The following HTN1 variants were observed in gnomAD, a reference collection of about 807,000 sequenced individuals.
HTN1 encodes the protein histatin-1.
In HTN1, 18 loss-of-function variants were observed where a neutral mutation model predicts 11.2. The ratio of observed to expected loss-of-function variants is 1.61; its 90% CI spans 1.12 to 2.39. The LOEUF is 2.39. HTN1 is among the 30% of genes most tolerant of loss of function. The pLI, the probability that HTN1 is intolerant of heterozygous loss-of-function variation, is 0.00. For synonymous variants in HTN1, 21 were observed against 20.5 expected, an observed-to-expected ratio of 1.02 and a Z score of -0.07; for missense variants, 80 against 67.2, an observed-to-expected ratio of 1.19 and a Z score of -0.67.
chr4:70,057,606 T>C (rs1449146388), intron 5 of HTN1: 1 of 152,180 alleles, frequency 6.6e-6, no homozygotes, highest in Non-Finnish European at 1.5e-5. Flanking sequence ...TAGTTCCAGT[T>C]CTGACCTGGA....
At chr4:70,055,685 C>G (rs1726022040) in intron 5 of HTN1, 83 bp downstream of exon 5, 1 of 660,340 alleles carries the variant, frequency 1.5e-6, no homozygotes, top group Non-Finnish European at 2.6e-6. Flanking sequence ...ACAACCATTC[C>G]AGTTTAAGAA....
At position 70,054,358 on chromosome 4, in the gene HTN1, T is replaced by C; in HGVS notation, c.72+16T>C. 1 of 1,546,722 alleles carries C rather than the reference T, an allele frequency of 6.5e-7. No homozygotes were observed. The highest frequency in any genetic ancestry group is 8.8e-7 in the Non-Finnish European group (1 of 1,136,576). ...ACATGAAAAGGTAAGACATTTTCAT[T>C]TACGGGAAAACTTGATAAATAAACA... On this transcript the variant is annotated intron_variant, in intron 3 of 5. Transcript: ENST00000246896.
At chr4:70,057,761 T>C (rs1479356115) in intron 5 of HTN1, 1 of 152,176 alleles carries the variant, frequency 6.6e-6, no homozygotes, top group Non-Finnish European at 1.5e-5. Context: ...GTTGTGGCCA[T>C]AGGCTTCTCT....
chr4:70,052,867 C>G (rs1014507798), intron 1 of HTN1, 197 bp from the exon 2 acceptor site: 1 of 473,782 alleles, frequency 2.1e-6, no homozygotes, highest in African/African-American at 2.0e-5. Flanking sequence ...ACAAGTGGGA[C>G]TAGGGAGGCT....
At chr4:70,057,515 A>G (rs1426588042) in intron 5 of HTN1, 1 of 152,202 alleles carries the variant, frequency 6.6e-6, no homozygotes, top group African/African-American at 2.4e-5. Context: ...ATTAAAAAAT[A>G]AAATGAAATA....
chr4:70,053,765 T>C (rs1185073956), intron 2 of HTN1, among the ~76,000 whole-genome samples: 1 of 152,106 alleles, frequency 6.6e-6, no homozygotes, highest in Non-Finnish European at 1.5e-5. Flanking sequence ...CTCCTCTTTC[T>C]ATGAACTTAA....
intron 1 of HTN1, 61 bp from the exon 2 acceptor site, chr4:70,053,003 A>G (rs1422066208): frequency 1.0e-6 from 1 of 975,594 alleles, no homozygotes; most frequent in Non-Finnish European, 1.7e-6. Flanking sequence ...CATCAATAGA[A>G]GTTTGATGAA....
chr4:70,055,499 A>G lies in HTN1; in HGVS notation c.104A>G (p.Glu35Gly), dbSNP rs1446408590. 6.3e-7 allele frequency: 1 copy of G among 1,588,938 alleles called. No homozygotes were observed. The highest frequency in any genetic ancestry group is 1.7e-5 in the Admixed American group (1 of 59,798). ...CTCTCTCCTTTTGTGTGTATGCAGG[A>G]AAAGCATCATTCACATCGAGAATTT... is the stretch of plus-strand genomic sequence containing the variant. ...RHHGYRRKFH[E>G]KHHSHREFPF... is the part of the protein sequence containing the mutation. Residue 35 changes from glutamate (E) to glycine (G), a missense_variant and splice_region_variant, in exon 5 of 6, where the codon GAA (glutamate) becomes GGA (glycine). Physicochemically the swap from Glu to Gly is moderately conservative, Grantham distance 98. Transcript: ENST00000246896.
At chr4:70,055,080 G>A (rs2109729408) in intron 4 of HTN1, among the ~76,000 whole-genome samples, 1 of 152,092 alleles carries the variant, frequency 6.6e-6, no homozygotes, top group Middle Eastern at 3.4e-3. Flanking sequence ...AAAGAATGTA[G>A]GAGTTGTAAA....
chr4:70,056,509 A>C (rs28869909), intron 5 of HTN1: 12,794 of 152,298 alleles, frequency 0.084, 778 homozygotes, highest in East Asian at 0.19. Flanking sequence ...GCCAAAAGCA[A>C]TTGCAACAAA....
chr4:70,056,497 A>T (rs1006701575), intron 5 of HTN1: 1 of 152,182 alleles, frequency 6.6e-6, no homozygotes, highest in African/African-American at 2.4e-5. Context: ...ATGTAAAAAA[A>T]TGCCAAAAGC....
chr4:70,050,627 A>G (rs1725868929), intron 1 of HTN1, 132 bp downstream of exon 1: 1 of 152,168 alleles, frequency 6.6e-6, no homozygotes, highest in South Asian at 2.1e-4. Context: ...GTATTTGCCT[A>G]AATAAATAAT....
intron 1 of HTN1, 125 bp from the exon 2 acceptor site, chr4:70,052,939 T>C: frequency 5.9e-6 from 4 of 672,342 alleles, no homozygotes; most frequent in Non-Finnish European, 1.1e-5. Context: ...CTCATGCCCC[T>C]GCACTCCAGC....
intron 1 of HTN1, among the ~76,000 whole-genome samples, chr4:70,051,198 A>T (rs1342773257): frequency 6.6e-6 from 1 of 152,172 alleles, no homozygotes; most frequent in Non-Finnish European, 1.5e-5. Flanking sequence ...ATATATTATT[A>T]TAAAGGTTTA....
At chr4:70,057,422 G>A (rs975122807) in intron 5 of HTN1, 1 of 152,022 alleles carries the variant, frequency 6.6e-6, no homozygotes, top group Non-Finnish European at 1.5e-5. Context: ...CTGATCAATA[G>A]GTGCAGCAAA....
At chr4:70,053,267 C>T in intron 2 of HTN1, 140 bp downstream of exon 2, 1 of 548,972 alleles carries the variant, frequency 1.8e-6, no homozygotes, top group Non-Finnish European at 3.2e-6. Flanking sequence ...CAAGGAGTTT[C>T]TTTGAATTAA....
intron 2 of HTN1, 79 bp downstream of exon 2, chr4:70,053,206 A>G (rs762033140): frequency 9.6e-6 from 9 of 933,462 alleles, no homozygotes; most frequent in Non-Finnish European, 1.6e-5. Context: ...GTGTTCTGGT[A>G]TATACTCATG....
Position 70,054,344 on chromosome 4 carries a change from T to G in HTN1, c.72+2T>G, listed in dbSNP as rs139757678. 2.0e-6 allele frequency: 3 copies of G among 1,534,716 alleles called. No homozygotes were observed. Among genetic ancestry groups the G allele is most frequent in the Non-Finnish European group, 2.7e-6 (3 of 1,127,220 alleles). On this transcript the variant is annotated splice_donor_variant, in intron 3 of 5. Coordinates refer to ENST00000246896, the MANE Select transcript of HTN1 (RefSeq NM_002159.4). LOFTEE classifies it high-confidence loss of function. ...AAGAGCGCTGATTCACATGAAAAGG[T>G]AAGACATTTTCATTTACGGGAAAAC...
At position 70,054,572 on chromosome 4, in the gene HTN1, T is replaced by A; in HGVS notation, c.102+122T>A. On this transcript the variant is annotated intron_variant, in intron 4 of 5. Transcript: ENST00000246896. ...ATATCATTAATTGCTAAAGTGCACA[T>A]TGATTTCATTTATTTATGATGCAAA... is the stretch of plus-strand genomic sequence containing the variant. The A allele has an allele frequency of 4.6e-6, 3 of 651,746 alleles. No individual in the cohort carries two copies. In the South Asian group the frequency reaches 6.4e-5, roughly 14 times the overall value. The allele number at this position is 651,746 out of a possible 1,614,324, so 40.4% of individuals were successfully genotyped here. A position where few individuals can be genotyped will look rare whatever the true frequency, so the allele number is the denominator to read the frequency against.
Sources: gnomAD v4.1 joint callset for allele counts (sites outside exome capture counted in the v4.1 genomes callset) on GRCh38, gnomAD v4.1.1 for gene constraint, MANE v1.5 for transcripts, NCBI Gene and HGNC (gene_info 2026-07-23, HGNC 2026-07-21) for gene names.